The following CDH18 variants were observed in gnomAD, a reference collection of about 807,000 sequenced individuals.
CDH18 encodes cadherin-18.
CDH18 carries 31 observed loss-of-function variants against 67.9 expected under a neutral mutation model. The observed-to-expected ratio is 0.46, with a 90% CI of 0.34 to 0.62. The LOEUF (loss-of-function observed/expected upper bound fraction) is 0.62. Ranked by LOEUF, CDH18 falls within the 20% of genes least tolerant of loss-of-function variation. The probability of loss-of-function intolerance (pLI) is 0.01; values close to 1 mark genes in which losing one functional copy is unlikely to be tolerated. For synonymous variants in CDH18, 362 were observed against 347.2 expected (o/e 1.04, Z -0.48); for missense variants, 890 against 975.5 (o/e 0.91, Z 1.17).
chr5:20,153,594 TAA>T (rs2126580235), intron 2 of CDH18, among the ~76,000 whole-genome samples: 1 of 152,234 alleles, frequency 6.6e-6, no homozygotes, highest in South Asian at 2.1e-4. Context: ...TTAAAAAATA[TAA>T]ATTTATTTTC....
intron 1 of CDH18, among the ~76,000 whole-genome samples, chr5:20,496,265 T>C (rs964446743): frequency 6.6e-6 from 1 of 152,146 alleles, no homozygotes; most frequent in African/African-American, 2.4e-5. Context: ...AAACAATTTA[T>C]CTTTAGGTTT....
At chr5:20,210,035 T>C (rs1740234687) in intron 2 of CDH18, among the ~76,000 whole-genome samples, 1 of 151,492 alleles carries the variant, frequency 6.6e-6, no homozygotes, top group African/African-American at 2.4e-5. Context: ...CAATTTTAAA[T>C]ATTATTATGA....
intron 2 of CDH18, among the ~76,000 whole-genome samples, chr5:20,095,083 C>G (rs1172485015): frequency 6.6e-6 from 1 of 151,792 alleles, no homozygotes; most frequent in Non-Finnish European, 1.5e-5. Flanking sequence ...CATGTTCTCA[C>G]TCATAAGTGG....
intron 2 of CDH18, among the ~76,000 whole-genome samples, chr5:20,132,306 A>T (rs1163243215): frequency 2.0e-5 from 3 of 152,132 alleles, no homozygotes; most frequent in African/African-American, 7.2e-5. Flanking sequence ...TTCTTAAATA[A>T]ACTTATTTTG....
intron 5 of CDH18, among the ~76,000 whole-genome samples, chr5:19,668,706 T>C (rs1198040368): frequency 6.6e-6 from 1 of 152,126 alleles, no homozygotes; most frequent in Non-Finnish European, 1.5e-5. Context: ...GTTTCTTAAT[T>C]AATTGTGAAA....
At chr5:19,924,567 A>G (rs1792884816) in intron 2 of CDH18, among the ~76,000 whole-genome samples, 1 of 152,184 alleles carries the variant, frequency 6.6e-6, no homozygotes, top group Non-Finnish European at 1.5e-5. Flanking sequence ...CGGTGATTGC[A>G]GTGAGCCCAG....
intron 2 of CDH18, among the ~76,000 whole-genome samples, chr5:20,117,425 G>A (rs1197484553): frequency 1.3e-5 from 2 of 152,046 alleles, no homozygotes; most frequent in Admixed American, 1.3e-4. Flanking sequence ...TTCTTAATGA[G>A]GTTTTATTAA....
intron 2 of CDH18, among the ~76,000 whole-genome samples, chr5:19,974,951 C>G (rs945572502): frequency 1.3e-5 from 2 of 152,048 alleles, no homozygotes; most frequent in Non-Finnish European, 1.5e-5. Context: ...TCTAGGAACT[C>G]TATGACTTAA....
At chr5:20,453,693 G>C (rs1750639655) in intron 1 of CDH18, among the ~76,000 whole-genome samples, 1 of 151,926 alleles carries the variant, frequency 6.6e-6, no homozygotes, top group Non-Finnish European at 1.5e-5. Flanking sequence ...ATGTTAAGTT[G>C]TGTGGTTAGC....
At chr5:19,809,638 C>A (rs1581446324) in intron 3 of CDH18, among the ~76,000 whole-genome samples, 1 of 152,114 alleles carries the variant, frequency 6.6e-6, no homozygotes, top group South Asian at 2.1e-4. Context: ...GAAACTCAAA[C>A]CTACAGCCCA....
At chr5:19,540,700 T>G (rs530386291) in intron 9 of CDH18, among the ~76,000 whole-genome samples, 76 of 152,242 alleles carry the variant, frequency 5.0e-4, no homozygotes, top group African/African-American at 1.7e-3. Flanking sequence ...CTGCCCAAGC[T>G]ATACCTTGGC....
chr5:19,528,740 G>A (rs1382733898), intron 9 of CDH18, among the ~76,000 whole-genome samples: 1 of 151,794 alleles, frequency 6.6e-6, no homozygotes, highest in Non-Finnish European at 1.5e-5. Flanking sequence ...AAAACACTAA[G>A]CGTGGCAACA....
At chr5:19,932,801 T>C (rs1793845754) in intron 2 of CDH18, among the ~76,000 whole-genome samples, 1 of 151,680 alleles carries the variant, frequency 6.6e-6, no homozygotes, top group Non-Finnish European at 1.5e-5. Flanking sequence ...AAACCACTTG[T>C]CTAATTAGCT....
intron 1 of CDH18, among the ~76,000 whole-genome samples, chr5:20,498,465 T>C (rs1002874673): frequency 6.6e-6 from 1 of 152,094 alleles, no homozygotes; most frequent in African/African-American, 2.4e-5. Flanking sequence ...CTGATGTGTA[T>C]AGAGAGATAC....
chr5:19,639,798 A>G lies in CDH18; in HGVS notation c.644-27197T>C, dbSNP rs555989333. 2.0e-5 allele frequency among the ~76,000 whole-genome samples: 3 copies of G among 152,368 alleles called. No individual in the cohort carries two copies. In the South Asian group the frequency reaches 6.2e-4, roughly 32 times the overall value. Reference sequence around the variant, plus strand: ...TATCACATCCTATTGCAATCTTTCCATAATGCTGCATATCAGCATTGCAAT... The same window carrying G: ...TATCACATCCTATTGCAATCTTTCCGTAATGCTGCATATCAGCATTGCAAT... On this transcript the variant is annotated intron_variant, in intron 5 of 12. Transcript: ENST00000382275.
At chr5:20,146,889 C>G (rs1298326615) in intron 2 of CDH18, among the ~76,000 whole-genome samples, 1 of 151,952 alleles carries the variant, frequency 6.6e-6, no homozygotes, top group African/African-American at 2.4e-5. Context: ...CTCATTTCTA[C>G]ATCTTAGGCA....
intron 2 of CDH18, among the ~76,000 whole-genome samples, chr5:20,182,950 G>A (rs1175726152): frequency 6.6e-6 from 1 of 152,094 alleles, no homozygotes. Context: ...TAATGGGATA[G>A]TTTAACCTGA....
Position 19,903,555 on chromosome 5 carries a change from ATATAT to A in CDH18, c.-256-64318_-256-64314del, listed in dbSNP as rs1306862670. Among the ~76,000 whole-genome samples the A allele has an allele frequency of 2.8e-5, 4 of 144,066 alleles. No homozygotes were observed. In the Admixed American group the frequency reaches 2.8e-4, roughly 10 times the overall value. 94.5% of individuals were successfully genotyped at this position (144,066 alleles called of 152,430 possible). ...TGTGTGTGTGTGTATATATATATAT[ATATAT>A]ATATATTTGTTGAGCCTCAGCCCTC... On this transcript the variant is annotated intron_variant, in intron 2 of 12. Transcript: ENST00000382275.
rs867900016 is a variant in CDH18 at position 19,920,802 on chromosome 5, G to C, written c.-257+60258C>G. On this transcript the variant is annotated intron_variant, in intron 2 of 12. Coordinates refer to ENST00000382275, the MANE Select transcript of CDH18 (RefSeq NM_004934.5). ...GCTGGGATTACAGGCGTAAGCCACC[G>C]TGCCCGGCCCCATTTAACCTTACTT... is the stretch of plus-strand genomic sequence containing the variant. 4.7e-4 allele frequency among the ~76,000 whole-genome samples: 71 copies of C among 151,544 alleles called. 1 individual carries two copies. The highest frequency in any genetic ancestry group is 1.5e-3 in the Admixed American group (23 of 15,194).
Sources: allele counts gnomAD v4.1 joint callset (sites outside exome capture counted in the v4.1 genomes callset), GRCh38; gene constraint gnomAD v4.1.1; transcripts MANE v1.5; gene names NCBI Gene and HGNC (gene_info 2026-07-23, HGNC 2026-07-21).